The following MCF2 variants were observed in gnomAD, a reference collection of about 807,000 sequenced individuals.
MCF2 encodes the protein proto-oncogene DBL.
Under a neutral mutation model 82.5 loss-of-function variants are expected in MCF2, and 44 were observed. The ratio of observed to expected loss-of-function variants is 0.53; its 90% CI spans 0.42 to 0.69. The LOEUF (loss-of-function observed/expected upper bound fraction) is 0.69. Ranked by LOEUF, MCF2 falls within the 30% of genes least tolerant of loss-of-function variation. MCF2 has a pLI of 0.00. For synonymous variants in MCF2, 217 were observed against 224.9 expected (o/e 0.96, Z 0.32); for missense variants, 623 against 663.1 (o/e 0.94, Z 0.66).
At chrX:139,661,901 T>C (rs1348135045) in intron 1 of MCF2, among the ~76,000 whole-genome samples, 1 of 112,201 alleles carries the variant, frequency 8.9e-6, no homozygotes, top group Non-Finnish European at 1.9e-5. Flanking sequence ...TATGTTCGAG[T>C]CATGTGAGTC....
chrX:139,585,144 A>G, exon 24 of MCF2: 4 of 1,203,330 alleles, frequency 3.3e-6, no homozygotes, highest in African/African-American at 1.7e-5. Context: ...CAGGTTCTTC[A>G]GAGATTTCTG....
chrX:139,640,627 A>T (rs1243018292), intron 1 of MCF2, among the ~76,000 whole-genome samples: 1 of 111,322 alleles, frequency 9.0e-6, no homozygotes. Context: ...ATCCTTTTAG[A>T]TGTTACCTGT....
chrX:139,613,548 C>A (rs1931658494), intron 10 of MCF2, among the ~76,000 whole-genome samples: 2 of 110,937 alleles, frequency 1.8e-5, no homozygotes, highest in Non-Finnish European at 3.8e-5. Flanking sequence ...TTTACAATAA[C>A]CTGTTGGAGT....
upstream of MCF2, chrX:139,646,917 A>G: frequency 2.1e-6 from 2 of 932,766 alleles, no homozygotes; most frequent in Non-Finnish European, 3.0e-6. Context: ...CAACAATAGA[A>G]AAATAATCAA....
intron 1 of MCF2, among the ~76,000 whole-genome samples, chrX:139,636,501 T>C (rs181184087): frequency 1.7e-3 from 193 of 111,497 alleles, no homozygotes; most frequent in African/African-American, 5.8e-3. Context: ...TACAAGAACC[T>C]GGGGCTGACT....
At chrX:139,637,820 T>G (rs1284103995) in intron 1 of MCF2, among the ~76,000 whole-genome samples, 2 of 111,521 alleles carry the variant, frequency 1.8e-5, no homozygotes, top group Non-Finnish European at 3.8e-5. Context: ...ATTAAGGATC[T>G]TGATATGGGG....
chrX:139,705,640 C>T (rs34849754), intron 1 of MCF2, among the ~76,000 whole-genome samples: 160 of 112,072 alleles, frequency 1.4e-3, no homozygotes, highest in Non-Finnish European at 2.5e-3. Context: ...ATACTCTTTT[C>T]GACATTGGCC....
At chrX:139,640,521 A>G (rs1933501841) in intron 1 of MCF2, among the ~76,000 whole-genome samples, 1 of 110,663 alleles carries the variant, frequency 9.0e-6, no homozygotes, top group Non-Finnish European at 1.9e-5. Flanking sequence ...ATATATATCT[A>G]TTCTCCTCCC....
chrX:139,626,343 A>T (rs200886179), intron 5 of MCF2, 36 bp from the exon 9 acceptor site: 3 of 868,147 alleles, frequency 3.5e-6, no homozygotes, highest in Non-Finnish European at 5.0e-6. Flanking sequence ...TCCTAAAAGC[A>T]ACTATCTGTT....
At chrX:139,650,959 C>T (rs1933982904) in intron 2 of MCF2, among the ~76,000 whole-genome samples, 1 of 111,677 alleles carries the variant, frequency 9.0e-6, no homozygotes, top group Non-Finnish European at 1.9e-5. Flanking sequence ...GATTCATTTA[C>T]ATCAGGTACC....
At chrX:139,679,697 T>A (rs900968771) in intron 1 of MCF2, among the ~76,000 whole-genome samples, 2 of 110,459 alleles carry the variant, frequency 1.8e-5, no homozygotes, top group Non-Finnish European at 3.8e-5. Flanking sequence ...ATAAAATAGA[T>A]CATGTATTAA....
At chrX:139,611,523 A>C (rs984665382) in intron 10 of MCF2, among the ~76,000 whole-genome samples, 1 of 112,149 alleles carries the variant, frequency 8.9e-6, no homozygotes, top group African/African-American at 3.2e-5. Flanking sequence ...GAGATACAAA[A>C]TAAATATGTG....
chrX:139,692,644 A>G (rs1009803980), intron 1 of MCF2, among the ~76,000 whole-genome samples: 7 of 111,922 alleles, frequency 6.3e-5, no homozygotes, highest in African/African-American at 2.3e-4. Context: ...TCGCACTCTC[A>G]TGGCAACTCA....
intron 1 of MCF2, among the ~76,000 whole-genome samples, chrX:139,674,663 T>C (rs1934810743): frequency 8.9e-6 from 1 of 112,339 alleles, no homozygotes; most frequent in Admixed American, 9.4e-5. Flanking sequence ...CAGTCTCCTC[T>C]GGCTGGTAGA....
At chrX:139,619,522 C>A in intron 7 of MCF2, 65 bp downstream of exon 10, 1 of 846,399 alleles carries the variant, frequency 1.2e-6, no homozygotes, top group Non-Finnish European at 1.6e-6. Flanking sequence ...TTTATACTAC[C>A]TACTCCCGCC....
intron 1 of MCF2, among the ~76,000 whole-genome samples, chrX:139,681,602 T>A (rs969867955): frequency 8.0e-5 from 9 of 112,527 alleles, no homozygotes; most frequent in African/African-American, 2.9e-4. Context: ...AATTTTTAAA[T>A]ACACACATTC....
chrX:139,686,768 T>C (rs985583662), intron 1 of MCF2, among the ~76,000 whole-genome samples: 2 of 111,571 alleles, frequency 1.8e-5, no homozygotes, highest in African/African-American at 6.5e-5. Context: ...TGATCACTCT[T>C]ACCACCTCCA....
chrX:139,647,880 G>C (rs1435985822), upstream of MCF2, among the ~76,000 whole-genome samples: 2 of 112,136 alleles, frequency 1.8e-5, no homozygotes, highest in African/African-American at 6.5e-5. Flanking sequence ...CCTACACAGA[G>C]AGCGAATGCT....
At chrX:139,696,599 T>G (rs761101208) in intron 1 of MCF2, among the ~76,000 whole-genome samples, 3 of 104,313 alleles carry the variant, frequency 2.9e-5, no homozygotes, top group African/African-American at 7.4e-5. Flanking sequence ...AATTTTTCTA[T>G]TTTTTTTTTA....
Sources: gnomAD v4.1 joint callset for allele counts (sites outside exome capture counted in the v4.1 genomes callset) on GRCh38, gnomAD v4.1.1 for gene constraint, MANE v1.5 for transcripts, NCBI Gene and HGNC (gene_info 2026-07-23, HGNC 2026-07-21) for gene names.